CDYL2: variants seen among roughly 807,000 people sequenced by gnomAD.
The protein encoded by CDYL2 is chromodomain Y-like protein 2.
In CDYL2, 23 loss-of-function variants were observed where a neutral mutation model predicts 49.4. The observed-to-expected ratio is 0.47, with a 90% CI of 0.34 to 0.66. CDYL2 has a LOEUF of 0.66. CDYL2 is among the 30% of genes least tolerant of loss of function. The pLI is 0.01. For missense variants in CDYL2, 678 were observed against 656.4 expected (o/e 1.03, Z -0.36); for synonymous variants, 360 against 268.8 (o/e 1.34, Z -3.32).
chr16:80,797,949 A>T (rs1049312692), intron 1 of CDYL2, among the ~76,000 whole-genome samples: 1 of 152,202 alleles, frequency 6.6e-6, no homozygotes, highest in Non-Finnish European at 1.5e-5. Flanking sequence ...GTTACCATTC[A>T]TCAAACTACA....
In CDYL2 at chr16:80,604,461, T is replaced by C. The variant is rs750239718; in HGVS notation, c.1448A>G (p.Lys483Arg). The C allele has an allele frequency of 6.2e-7, 1 of 1,614,168 alleles. No individual in the cohort carries two copies. Among genetic ancestry groups the C allele is most frequent in the Non-Finnish European group, 8.5e-7 (1 of 1,180,028 alleles). ...GCCTTTGGAGGAGCTCCAGAGCTGCTTGAGCATGAGGCATTCCTTCTCGTT... is the reference window on the plus strand; with the variant it reads ...GCCTTTGGAGGAGCTCCAGAGCTGCCTGAGCATGAGGCATTCCTTCTCGTT... ...DVNEKECLMLKQLWSSSKGLD... is the reference protein window; with the variant it reads ...DVNEKECLMLRQLWSSSKGLD... Residue 483 changes from lysine (K) to arginine (R), a missense_variant, in exon 7 of 7, where the codon AAG (lysine) becomes AGG (arginine). By Grantham distance (26) the Lys-to-Arg change is conservative. Around this residue, in one of 3 missense-constraint regions of CDYL2, gnomAD observed 153 missense variants for 150.6 expected, o/e 1.02. Coordinates refer to ENST00000570137, the MANE Select transcript of CDYL2 (RefSeq NM_152342.4).
intron 1 of CDYL2, among the ~76,000 whole-genome samples, chr16:80,709,524 C>G (rs934809406): frequency 6.6e-6 from 1 of 151,528 alleles, no homozygotes; most frequent in African/African-American, 2.4e-5. Context: ...AAAGCTAAAG[C>G]TGCACCTAAG....
At chr16:80,716,848 G>C (rs996868173) in intron 1 of CDYL2, among the ~76,000 whole-genome samples, 1 of 150,790 alleles carries the variant, frequency 6.6e-6, no homozygotes, top group Non-Finnish European at 1.5e-5. Flanking sequence ...GATAGATGAT[G>C]TATGTAATGT....
chr16:80,692,438 G>A (rs548993022), intron 1 of CDYL2, among the ~76,000 whole-genome samples: 4 of 152,132 alleles, frequency 2.6e-5, no homozygotes, highest in Non-Finnish European at 5.9e-5. Context: ...TCATCTCTTA[G>A]GGGACAAAAT....
At chr16:80,668,443 T>C (rs982557759) in intron 2 of CDYL2, among the ~76,000 whole-genome samples, 12 of 93,602 alleles carry the variant, frequency 1.3e-4, no homozygotes, top group Non-Finnish European at 2.3e-4. Context: ...AATATTTAAG[T>C]AAATATGTAA....
intron 1 of CDYL2, among the ~76,000 whole-genome samples, chr16:80,798,990 G>T (rs1258219457): frequency 6.6e-6 from 1 of 151,990 alleles, no homozygotes; most frequent in Admixed American, 6.5e-5. Flanking sequence ...TTTAGCATTT[G>T]AGAAAATGCT....
intron 1 of CDYL2, among the ~76,000 whole-genome samples, chr16:80,775,287 A>G (rs757181324): frequency 6.6e-6 from 1 of 151,918 alleles, no homozygotes; most frequent in African/African-American, 2.4e-5. Context: ...TAACTATTAT[A>G]CTTGAGGAAA....
chr16:80,689,993 T>C (rs1910348655), intron 1 of CDYL2, among the ~76,000 whole-genome samples: 1 of 151,828 alleles, frequency 6.6e-6, no homozygotes, highest in South Asian at 2.1e-4. Context: ...TGGTGGCATA[T>C]GTCTGTAATC....
chr16:80,781,356 T>G (rs1907261110), intron 1 of CDYL2, among the ~76,000 whole-genome samples: 1 of 152,170 alleles, frequency 6.6e-6, no homozygotes, highest in Non-Finnish European at 1.5e-5. Context: ...TAAACATATG[T>G]GCATCTAACA....
chr16:80,670,530 T>A (rs1463939215), intron 2 of CDYL2, among the ~76,000 whole-genome samples: 2 of 152,166 alleles, frequency 1.3e-5, no homozygotes, highest in Admixed American at 1.3e-4. Flanking sequence ...CGGGTGTGTC[T>A]TCATTAGCAA....
At chr16:80,738,672 A>T (rs890125660) in intron 1 of CDYL2, 1 of 152,246 alleles carries the variant, frequency 6.6e-6, no homozygotes, top group African/African-American at 2.4e-5. Flanking sequence ...TGATAAAAAT[A>T]TGCTACAATT....
chr16:80,734,060 TAC>T (rs1905426833), intron 1 of CDYL2, among the ~76,000 whole-genome samples: 1 of 152,190 alleles, frequency 6.6e-6, no homozygotes, highest in African/African-American at 2.4e-5. Flanking sequence ...TATAAAAAGT[TAC>T]AGTCAAGGAA....
chr16:80,709,513 G>A (rs532702839), intron 1 of CDYL2, among the ~76,000 whole-genome samples: 1 of 151,522 alleles, frequency 6.6e-6, no homozygotes, highest in East Asian at 1.9e-4. Flanking sequence ...GATGAATGCA[G>A]AAAGCTAAAG....
At chr16:80,645,664 T>G (rs958817351) in intron 2 of CDYL2, among the ~76,000 whole-genome samples, 5 of 152,164 alleles carry the variant, frequency 3.3e-5, no homozygotes, top group Non-Finnish European at 7.3e-5. Flanking sequence ...TAAATCATGC[T>G]GCTATAAAGA....
intron 1 of CDYL2, among the ~76,000 whole-genome samples, chr16:80,793,404 G>C (rs1029977984): frequency 6.6e-6 from 1 of 152,176 alleles, no homozygotes; most frequent in Non-Finnish European, 1.5e-5. Context: ...AGGTCTAGTG[G>C]AAGGCAAAAT....
intron 1 of CDYL2, among the ~76,000 whole-genome samples, chr16:80,748,216 T>C (rs1342062808): frequency 6.7e-6 from 1 of 149,146 alleles, no homozygotes; most frequent in East Asian, 1.9e-4. Context: ...GTCTGTGCCC[T>C]GGCTCTGCCT....
In CDYL2 at chr16:80,603,024, C is replaced by T. The variant is rs1312706495; in HGVS notation, c.*1364G>A. On this transcript the variant is annotated 3_prime_UTR_variant, in exon 7 of 7. Transcript: ENST00000570137. Reference sequence around the variant, plus strand: ...ACAGCTGCTGGAGTCCCCTTGCAGCCCAGGGGCACAGGGGCAAGGAGATCT... The same window carrying T: ...ACAGCTGCTGGAGTCCCCTTGCAGCTCAGGGGCACAGGGGCAAGGAGATCT... The T allele has an allele frequency of 3.9e-5, 6 of 152,250 alleles. No individual in the cohort carries two copies. The highest frequency in any genetic ancestry group is 2.1e-4 in the South Asian group (1 of 4,816). The allele number at this position is 152,250 out of a possible 1,614,324, so 9.4% of individuals were successfully genotyped here.
chr16:80,737,105 T>C (rs1233328490), intron 1 of CDYL2, among the ~76,000 whole-genome samples: 2 of 152,184 alleles, frequency 1.3e-5, no homozygotes, highest in Non-Finnish European at 2.9e-5. Context: ...CAGGACAGCC[T>C]GTAGGAAAAC....
At chr16:80,623,542 CAG>C (rs1200699537) in intron 3 of CDYL2, among the ~76,000 whole-genome samples, 2 of 152,344 alleles carry the variant, frequency 1.3e-5, no homozygotes, top group South Asian at 2.1e-4. Flanking sequence ...CCTAGAAATG[CAG>C]AGTCTTGGAC....
Sources: allele counts gnomAD v4.1 joint callset (sites outside exome capture counted in the v4.1 genomes callset), GRCh38; gene constraint gnomAD v4.1.1; regional missense constraint gnomAD v4.1.1; transcripts MANE v1.5; gene names NCBI Gene and HGNC (gene_info 2026-07-23, HGNC 2026-07-21).